SP110: variants seen among roughly 807,000 people sequenced by gnomAD.
SP110 encodes the protein interferon-induced protein 41, 30kD.
Under a neutral mutation model 92.7 loss-of-function variants are expected in SP110, and 62 were observed. That is an observed-to-expected ratio of 0.67 (90% CI 0.55 to 0.83). The LOEUF is 0.83. Ranked by LOEUF, SP110 falls within the 40% of genes least tolerant of loss-of-function variation. SP110 has a pLI of 0.00. For missense variants in SP110, 793 were observed against 863.9 expected, an observed-to-expected ratio of 0.92 and a Z score of 1.03; for synonymous variants, 273 against 305.3, an observed-to-expected ratio of 0.89 and a Z score of 1.10.
chr2:230,209,985 G>A lies in SP110; in HGVS notation c.775C>T (p.Pro259Ser). Residue 259 changes from proline (P) to serine (S), a missense_variant, in exon 7 of 19, where the codon CCA (proline) becomes TCA (serine). Transcript: ENST00000258381. ...MPEIRDNSPE[P>S]NDPEEPQEVS... The stretch of plus-strand genomic sequence containing the variant: ...TCCTGGGGCTCTTCTGGGTCATTTG[G>A]TTCTGGAGAATTATCTCTTATCTCT... 6.2e-7 allele frequency: 1 copy of A among 1,606,520 alleles called. No individual in the cohort carries two copies.
Position 230,167,061 on chromosome 2 carries a change from C to A in SP110, c.*2063G>T, listed in dbSNP as rs2078320364. ...AGGAGGTGCACCCAAGGAGCTGCAC[C>A]CAATAAACCATACCTGAGGAGCCTA... On this transcript the variant is annotated 3_prime_UTR_variant, in exon 19 of 19. Transcript: ENST00000258381. 1 of 151,984 alleles carries A rather than the reference C, an allele frequency of 6.6e-6. No homozygotes were observed. The highest frequency in any genetic ancestry group is 1.5e-5 in the Non-Finnish European group (1 of 68,096). 9.4% of individuals were successfully genotyped at this position (151,984 alleles called of 1,614,324 possible). A position where few individuals can be genotyped will look rare whatever the true frequency, so the allele number is the denominator to read the frequency against.
At chr2:230,217,437 A>G (rs1044123840) in intron 1 of SP110, among the ~76,000 whole-genome samples, 2 of 152,192 alleles carry the variant, frequency 1.3e-5, no homozygotes, top group African/African-American at 4.8e-5. Context: ...ATGGAGGCTG[A>G]GAGTGACTGA....
intron 10 of SP110, among the ~76,000 whole-genome samples, chr2:230,196,958 T>C (rs1329937884): frequency 2.6e-5 from 4 of 152,188 alleles, no homozygotes; most frequent in Non-Finnish European, 5.9e-5. Context: ...GACATTTGGG[T>C]TGGTTCCAAG....
intron 15 of SP110, chr2:230,172,449 G>C (rs2078471029): frequency 1.8e-6 from 1 of 558,118 alleles, no homozygotes; most frequent in Non-Finnish European, 3.2e-6. Flanking sequence ...AAGGAACCCT[G>C]CCTGCCAGGC....
intron 10 of SP110, among the ~76,000 whole-genome samples, chr2:230,192,457 G>C (rs1001262944): frequency 6.6e-6 from 1 of 152,132 alleles, no homozygotes; most frequent in Non-Finnish European, 1.5e-5. Flanking sequence ...CAAAATCAAT[G>C]TGCAAAAATC....
At chr2:230,179,404 C>A (rs117199125) in intron 12 of SP110, among the ~76,000 whole-genome samples, 2 of 149,534 alleles carry the variant, frequency 1.3e-5, no homozygotes, top group East Asian at 4.0e-4. Flanking sequence ...ATGGAGTGGC[C>A]AGCTCCACCA....
chr2:230,197,030 T>A (rs1459183237), intron 10 of SP110, among the ~76,000 whole-genome samples: 1 of 151,530 alleles, frequency 6.6e-6, no homozygotes, highest in African/African-American at 2.4e-5. Context: ...TATAGCAGCA[T>A]GATTTATAAT....
At chr2:230,189,629 T>C (rs2042518307) in intron 10 of SP110, among the ~76,000 whole-genome samples, 1 of 152,142 alleles carries the variant, frequency 6.6e-6, no homozygotes, top group Non-Finnish European at 1.5e-5. Context: ...GTTTCTTACA[T>C]AGGTATGCAT....
At chr2:230,209,383 A>C (rs2148904030) in intron 7 of SP110, among the ~76,000 whole-genome samples, 1 of 152,308 alleles carries the variant, frequency 6.6e-6, no homozygotes. Flanking sequence ...TTGAAATGAC[A>C]GAAAAGCAGC....
intron 12 of SP110, among the ~76,000 whole-genome samples, chr2:230,179,719 A>C (rs1460378618): frequency 6.6e-6 from 1 of 151,994 alleles, no homozygotes; most frequent in African/African-American, 2.4e-5. Context: ...GTCTCCACAG[A>C]AATGTCTTCT....
chr2:230,191,412 A>G (rs560121981), intron 10 of SP110, among the ~76,000 whole-genome samples: 2 of 152,316 alleles, frequency 1.3e-5, no homozygotes, highest in South Asian at 4.1e-4. Context: ...GAAGAGAGAG[A>G]AGAATCAAAT....
chr2:230,180,328 G>A (rs2042073684), intron 12 of SP110, among the ~76,000 whole-genome samples: 1 of 152,002 alleles, frequency 6.6e-6, no homozygotes, highest in African/African-American at 2.4e-5. Flanking sequence ...CAGAACATGA[G>A]GAAGGAGCAC....
intron 8 of SP110, among the ~76,000 whole-genome samples, chr2:230,204,323 C>T (rs1019583793): frequency 4.6e-5 from 7 of 152,172 alleles, no homozygotes; most frequent in African/African-American, 1.4e-4. Flanking sequence ...TTCCCTGTCT[C>T]CCTAATCCTA....
chr2:230,210,400 G>A (rs562796573), intron 6 of SP110, among the ~76,000 whole-genome samples: 37 of 152,300 alleles, frequency 2.4e-4, no homozygotes, highest in African/African-American at 7.9e-4. Flanking sequence ...AGCTGAGAGC[G>A]GAAAGTGGTG....
At position 230,166,646 on chromosome 2, in the gene SP110, G is replaced by A. The variant is rs748741775; in HGVS notation, c.*2478C>T. Among the ~76,000 whole-genome samples, 29 of 152,142 alleles carry A rather than the reference G, an allele frequency of 1.9e-4. No individual in the cohort carries two copies. The highest frequency in any genetic ancestry group is 3.7e-4 in the Non-Finnish European group (25 of 68,034). ...AAATCAACTTAGTTTGTTTTTCATA[G>A]TGATCTGAGTGTTAAAATTCTGTTA... On this transcript the variant is annotated 3_prime_UTR_variant, in exon 19 of 19. Coordinates refer to ENST00000258381, the MANE Select transcript of SP110 (RefSeq NM_080424.4).
intron 1 of SP110, among the ~76,000 whole-genome samples, chr2:230,217,942 G>T (rs1027472123): frequency 1.3e-5 from 2 of 152,224 alleles, no homozygotes; most frequent in African/African-American, 4.8e-5. Context: ...CATGAGGGCT[G>T]AGAAAGGCAT....
At chr2:230,218,092 G>C (rs1559186308) in intron 1 of SP110, among the ~76,000 whole-genome samples, 1 of 152,148 alleles carries the variant, frequency 6.6e-6, no homozygotes, top group Non-Finnish European at 1.5e-5. Flanking sequence ...GGTTATAATG[G>C]GAAGAAAGTT....
At chr2:230,197,782 A>G (rs2042947911) in intron 10 of SP110, among the ~76,000 whole-genome samples, 1 of 152,032 alleles carries the variant, frequency 6.6e-6, no homozygotes, top group Non-Finnish European at 1.5e-5. Context: ...TTTTCCCAGC[A>G]CCATTTATTA....
intron 12 of SP110, among the ~76,000 whole-genome samples, chr2:230,180,829 C>A (rs2042097685): frequency 6.6e-6 from 1 of 152,132 alleles, no homozygotes; most frequent in Non-Finnish European, 1.5e-5. Context: ...CCTGCCTCCA[C>A]CAGTGTTTGA....
Sources: gnomAD v4.1 joint callset for allele counts (sites outside exome capture counted in the v4.1 genomes callset) on GRCh38, gnomAD v4.1.1 for gene constraint, MANE v1.5 for transcripts, NCBI Gene and HGNC (gene_info 2026-07-23, HGNC 2026-07-21) for gene names.